ATP1A1: variants seen among roughly 807,000 people sequenced by gnomAD.
ATP1A1 encodes ATPase Na+/K+ transporting subunit alpha 1.
In ATP1A1, 14 loss-of-function variants were observed where a neutral mutation model predicts 114.8. That is an observed-to-expected ratio of 0.12 (90% CI 0.08 to 0.19). The LOEUF (loss-of-function observed/expected upper bound fraction) is 0.19. ATP1A1 is among the 10% of genes least tolerant of loss of function. The pLI is 1.00. For synonymous variants in ATP1A1, 471 were observed against 466.3 expected (o/e 1.01, Z -0.13); for missense variants, 524 against 1,290.7 (o/e 0.41, Z 9.10).
rs775345642 is a variant in ATP1A1, at chr1:116,396,684, G to C, written c.1923G>C (p.Val641=). ...VGIISEGNET[V]EDIAARLNIP... ...TCATCTCAGAAGGCAATGAGACCGTGGAAGACATTGCTGCCCGCCTCAACA... is the reference window on the plus strand; with the variant it reads ...TCATCTCAGAAGGCAATGAGACCGTCGAAGACATTGCTGCCCGCCTCAACA... The change falls in exon 14 of 23, where the codon GTG becomes GTC. Residue 641 remains valine (V), a synonymous_variant. Transcript: ENST00000295598. 6.2e-7 allele frequency: 1 copy of C among 1,606,492 alleles called. No homozygotes were observed. The highest frequency in any genetic ancestry group is 2.2e-5 in the East Asian group (1 of 44,506).
In ATP1A1 at chr1:116,397,903, C is replaced by T. The variant is rs1260875072; in HGVS notation, c.1989C>T (p.Cys663=). 9 of 1,610,346 alleles carry T rather than the reference C, an allele frequency of 5.6e-6. No homozygotes were observed. In the East Asian group the frequency reaches 8.9e-5, roughly 16 times the overall value. ...SQVNPRDAKA[C]VVHGSDLKDM... is the part of the protein sequence containing the mutation. The stretch of plus-strand genomic sequence containing the variant: ...CTAATTCTAGGGATGCCAAGGCCTG[C>T]GTAGTACACGGCAGTGATCTAAAGG... Residue 663 remains cysteine (C), a synonymous_variant, in exon 15 of 23, where the codon TGC becomes TGT. Transcript: ENST00000295598. This position sits in a 1 kb window ranked among gnomAD's most constrained non-coding sequence, Gnocchi z 4.2.
rs1033617247 is a variant in ATP1A1, at chr1:116,393,224, G to A, written c.1467+236G>A. ...ATACTTGTGGTTTGGGGTGGGTGTG[G>A]GCATGTGGGGAGGTGGCTGGAGGTA... On this transcript the variant is annotated intron_variant, in intron 11 of 22. Transcript: ENST00000295598. The surrounding 1 kb of genome is among the most constrained non-coding windows in gnomAD (Gnocchi z 5.0). 7.3e-5 allele frequency among the ~76,000 whole-genome samples: 11 copies of A among 151,124 alleles called. No individual in the cohort carries two copies. Among genetic ancestry groups the A allele is most frequent in the Non-Finnish European group, 4.4e-5 (3 of 67,986 alleles).
In ATP1A1 at chr1:116,396,660, C is replaced by T. The variant is rs1652956968; in HGVS notation, c.1899C>T (p.Ile633=). 3.1e-6 allele frequency: 5 copies of T among 1,612,972 alleles called. No homozygotes were observed. The highest frequency in any genetic ancestry group is 4.2e-6 in the Non-Finnish European group (5 of 1,179,428). ...AAGCTATTGCCAAAGGTGTGGGCAT[C>T]ATCTCAGAAGGCAATGAGACCGTGG... ...TAKAIAKGVG[I]ISEGNETVED... is the part of the protein sequence containing the mutation. The change falls in exon 14 of 23, where the codon ATC becomes ATT. Residue 633 remains isoleucine (I), a synonymous_variant. Coordinates refer to ENST00000295598, the MANE Select transcript of ATP1A1 (RefSeq NM_000701.8).
At chr1:116,374,956 G>A (rs1651262895) in intron 1 of ATP1A1, among the ~76,000 whole-genome samples, 1 of 152,170 alleles carries the variant, frequency 6.6e-6, no homozygotes. Flanking sequence ...TTAAAAGCAT[G>A]CAGCGTGGAG....
In ATP1A1 at chr1:116,390,047, A is replaced by AG. The variant is rs557493176; in HGVS notation, c.1024-162dup. ...TTAATAGATTGCTTTTCTGGAAGGA[A>AG]GGGGAAGCCTCATGTATGGGTTCCC... On this transcript the variant is annotated intron_variant, in intron 8 of 22. Transcript: ENST00000295598. 2.5e-4 allele frequency: 184 copies of AG among 747,404 alleles called. 1 individual carries two copies. In the African/African-American group the frequency reaches 3.0e-3, roughly 12 times the overall value. 46.3% of individuals were successfully genotyped at this position (747,404 alleles called of 1,614,324 possible). A position where few individuals can be genotyped will look rare whatever the true frequency, so the allele number is the denominator to read the frequency against.
chr1:116,374,187 G>A, intron 1 of ATP1A1: 1 of 1,550,532 alleles, frequency 6.4e-7, no homozygotes, highest in Non-Finnish European at 8.7e-7. Context: ...GAAGCCGGCT[G>A]GGCGGGCTGG....
chr1:116,390,627 C>T (rs553582960), intron 9 of ATP1A1, among the ~76,000 whole-genome samples, 155 bp from the exon 10 acceptor site: 23 of 149,100 alleles, frequency 1.5e-4, no homozygotes, highest in Non-Finnish European at 7.4e-5. Context: ...GCCCTACAAA[C>T]GTGACTGAAG....
At chr1:116,403,093 C>T (rs776379932) in intron 21 of ATP1A1, among the ~76,000 whole-genome samples, 2 of 152,116 alleles carry the variant, frequency 1.3e-5, no homozygotes, top group African/African-American at 4.8e-5. Context: ...GTTTTTTTGC[C>T]ACCACCAAAG....
chr1:116,373,264 G>A lies in ATP1A1; in HGVS notation c.-248G>A, dbSNP rs771724616. On this transcript the variant is annotated 5_prime_UTR_variant, in exon 1 of 23. Coordinates refer to ENST00000295598, the MANE Select transcript of ATP1A1 (RefSeq NM_000701.8). The stretch of plus-strand genomic sequence containing the variant: ...GGGCTGGAGCTGCGGCGGGGTCTGG[G>A]GCGCAGAGCAGCGGCGGGAGGAGGC... 4.9e-5 allele frequency: 19 copies of A among 384,152 alleles called. No individual in the cohort carries two copies. The highest frequency in any genetic ancestry group is 7.8e-5 in the Non-Finnish European group (17 of 216,814). 23.8% of individuals were successfully genotyped at this position (384,152 alleles called of 1,614,324 possible). A position where few individuals can be genotyped will look rare whatever the true frequency, so the allele number is the denominator to read the frequency against.
chr1:116,383,957 T>C (rs918451300), intron 1 of ATP1A1, 57 bp from the exon 2 acceptor site: 2 of 1,432,664 alleles, frequency 1.4e-6, no homozygotes, highest in African/African-American at 2.9e-5. Context: ...TCCAGAATTT[T>C]CAGTTTCAGA....
chr1:116,387,167 C>G lies in ATP1A1; in HGVS notation c.184-121C>G. 8.4e-7 allele frequency: 1 copy of G among 1,197,426 alleles called. No individual in the cohort carries two copies. Among genetic ancestry groups the G allele is most frequent in the South Asian group, 1.5e-5 (1 of 67,700 alleles). The allele number at this position is 1,197,426 out of a possible 1,614,324, so 74.2% of individuals were successfully genotyped here. A position where few individuals can be genotyped will look rare whatever the true frequency, so the allele number is the denominator to read the frequency against. On this transcript the variant is annotated intron_variant, in intron 3 of 22. Transcript: ENST00000295598. The surrounding 1 kb of genome is among the most constrained non-coding windows in gnomAD (Gnocchi z 6.7). ...ATTTGCTAGGTTTTACCTTGGCTCT[C>G]TAGCTTGGGACATTTTGTTTCTTCC...
rs74111873 is a variant in ATP1A1, at chr1:116,399,733, T to C, written c.2572+190T>C. On this transcript the variant is annotated intron_variant, in intron 18 of 22. Transcript: ENST00000295598. This position sits in a 1 kb window ranked among gnomAD's most constrained non-coding sequence, Gnocchi z 5.0. ...CATGTGAGAATACATCTGTTGCTGT[T>C]TGCCCAGTTACCTTTTGTGGAAACT... Among the ~76,000 whole-genome samples, 493 of 152,328 alleles carry C rather than the reference T, an allele frequency of 3.2e-3. 2 individuals carry two copies. Among genetic ancestry groups the C allele is most frequent in the African/African-American group, 0.012 (479 of 41,578 alleles).
At chr1:116,373,995 C>T in intron 1 of ATP1A1, 2 of 1,370,466 alleles carry the variant, frequency 1.5e-6, no homozygotes, top group Non-Finnish European at 1.9e-6. Context: ...CGCGCTCCTC[C>T]CCTTCCCCTG....
chr1:116,373,452 T>G lies in ATP1A1; in HGVS notation c.-60T>G, dbSNP rs1290033031. 11 of 1,485,010 alleles carry G rather than the reference T, an allele frequency of 7.4e-6. No individual in the cohort carries two copies. The highest frequency in any genetic ancestry group is 2.2e-5 in the Admixed American group (1 of 46,034). 92.0% of individuals were successfully genotyped at this position (1,485,010 alleles called of 1,614,324 possible). A position where few individuals can be genotyped will look rare whatever the true frequency, so the allele number is the denominator to read the frequency against. Reference sequence around the variant, plus strand: ...GCTCGCTCGGCCGGGAGCTGCTCTGTGCTTTTCTCTCTGATTCTCCAGCGA... The same window carrying G: ...GCTCGCTCGGCCGGGAGCTGCTCTGGGCTTTTCTCTCTGATTCTCCAGCGA... On this transcript the variant is annotated 5_prime_UTR_variant, in exon 1 of 23. Coordinates refer to ENST00000295598, the MANE Select transcript of ATP1A1 (RefSeq NM_000701.8).
rs114527774 is a variant in ATP1A1 at position 116,377,599 on chromosome 1, C to T, written c.12+4076C>T. 6.5e-3 allele frequency among the ~76,000 whole-genome samples: 983 copies of T among 152,264 alleles called. 15 individuals are homozygous for T. Among genetic ancestry groups the T allele is most frequent in the African/African-American group, 0.021 (875 of 41,544 alleles). On this transcript the variant is annotated intron_variant, in intron 1 of 22. Coordinates refer to ENST00000295598, the MANE Select transcript of ATP1A1 (RefSeq NM_000701.8). ...CTTCTCAGGTGAAGGACTTTGTTCG[C>T]GGTTGATGATCATTTTTACGTTTTT...
Position 116,399,930 on chromosome 1 carries a change from G to A in ATP1A1, c.2572+387G>A, listed in dbSNP as rs1381203969. ...CACTTATCTGTCACTCACTTGGATG[G>A]AGTTAGGCATTGGAGAAAGTATATG... is the stretch of plus-strand genomic sequence containing the variant. On this transcript the variant is annotated intron_variant, in intron 18 of 22. Coordinates refer to ENST00000295598, the MANE Select transcript of ATP1A1 (RefSeq NM_000701.8). This position sits in a 1 kb window ranked among gnomAD's most constrained non-coding sequence, Gnocchi z 5.0. 6.6e-6 allele frequency among the ~76,000 whole-genome samples: 1 copy of A among 152,186 alleles called. No individual in the cohort carries two copies. The highest frequency in any genetic ancestry group is 1.5e-5 in the Non-Finnish European group (1 of 68,040).
In ATP1A1 at chr1:116,401,519, C is replaced by T; in HGVS notation, c.2850-35C>T. The T allele has an allele frequency of 6.2e-7, 1 of 1,600,520 alleles. No homozygotes were observed. Among genetic ancestry groups the T allele is most frequent in the Non-Finnish European group, 8.6e-7 (1 of 1,167,968 alleles). ...ATTAGAAGATAAACCTTTATTTGCA[C>T]CTTTTAAGTTTTTTCTCCCCTACTT... On this transcript the variant is annotated intron_variant, in intron 20 of 22. Coordinates refer to ENST00000295598, the MANE Select transcript of ATP1A1 (RefSeq NM_000701.8). This position sits in a 1 kb window ranked among gnomAD's most constrained non-coding sequence, Gnocchi z 4.7.
intron 1 of ATP1A1, chr1:116,373,845 G>C: frequency 7.9e-7 from 1 of 1,260,296 alleles, no homozygotes; most frequent in East Asian, 3.5e-5. Context: ...GGAAGCCTCG[G>C]GGCCGGGAGG....
intron 10 of ATP1A1, chr1:116,392,490 T>G: frequency 1.2e-5 from 2 of 170,060 alleles, no homozygotes; most frequent in East Asian, 1.6e-4. Flanking sequence ...AAGTAGGTAG[T>G]TGGGAATAGC....
Sources: allele counts gnomAD v4.1 joint callset (sites outside exome capture counted in the v4.1 genomes callset), GRCh38; gene constraint gnomAD v4.1.1; non-coding constraint Gnocchi (gnomAD v3.1); transcripts MANE v1.5; gene names NCBI Gene and HGNC (gene_info 2026-07-23, HGNC 2026-07-21).